The following IPPK variants were observed in gnomAD, a reference collection of about 807,000 sequenced individuals.
IPPK encodes inositol-pentakisphosphate 2-kinase, also known as IPK1 homolog.
IPPK carries 22 observed loss-of-function variants against 64.6 expected under a neutral mutation model. The ratio of observed to expected loss-of-function variants is 0.34; its 90% CI spans 0.24 to 0.49. IPPK has a LOEUF of 0.49. Ranked by LOEUF, IPPK falls within the 20% of genes least tolerant of loss-of-function variation. The pLI, the probability that IPPK is intolerant of heterozygous loss-of-function variation, is 0.99. For missense variants in IPPK, 532 were observed against 630.7 expected, an observed-to-expected ratio of 0.84 and a Z score of 1.68; for synonymous variants, 262 against 247.2, an observed-to-expected ratio of 1.06 and a Z score of -0.56.
At chr9:92,642,610 T>G in intron 7 of IPPK, 142 bp downstream of exon 7, 1 of 682,696 alleles carries the variant, frequency 1.5e-6, no homozygotes, top group Non-Finnish European at 2.6e-6. Flanking sequence ...ACAGCGCTGA[T>G]GGCAAAAGAG....
intron 7 of IPPK, among the ~76,000 whole-genome samples, chr9:92,641,157 C>T (rs1283907229): frequency 6.6e-5 from 10 of 152,336 alleles, no homozygotes; most frequent in African/African-American, 2.2e-4. Flanking sequence ...TTCCTCCTGC[C>T]GCAACTTCCA....
In IPPK at chr9:92,669,844, G is replaced by C; in HGVS notation, c.81+64C>G. Reference sequence around the variant, plus strand: ...GACCCTGTTGAGGAAACGGATAATGGGGGCGGGGTGATACCGGCCGTCGGA... The same window carrying C: ...GACCCTGTTGAGGAAACGGATAATGCGGGCGGGGTGATACCGGCCGTCGGA... On this transcript the variant is annotated intron_variant, in intron 1 of 12. Transcript: ENST00000287996. 2.4e-6 allele frequency: 3 copies of C among 1,226,088 alleles called. No homozygotes were observed. The Admixed American group carries it at 5.2e-5, about 21-fold the overall frequency. 76.0% of individuals were successfully genotyped at this position (1,226,088 alleles called of 1,614,324 possible).
At chr9:92,619,014 T>C (rs1851536984) in intron 12 of IPPK, 1 of 236,488 alleles carries the variant, frequency 4.2e-6, no homozygotes, top group Non-Finnish European at 8.4e-6. Flanking sequence ...GGGCGGCACA[T>C]AGGCTGGTTA....
At chr9:92,659,795 T>TA (rs1380722311) in intron 1 of IPPK, among the ~76,000 whole-genome samples, 17 of 152,228 alleles carry the variant, frequency 1.1e-4, no homozygotes, top group African/African-American at 3.9e-4. Flanking sequence ...CAGCCCTACT[T>TA]AGACAATGTA....
At chr9:92,644,907 A>C (rs1034840478) in intron 6 of IPPK, among the ~76,000 whole-genome samples, 2 of 152,206 alleles carry the variant, frequency 1.3e-5, no homozygotes, top group African/African-American at 2.4e-5. Context: ...ATACAACAAA[A>C]AAAGCAATCA....
chr9:92,649,803 G>A (rs138907738), intron 4 of IPPK, among the ~76,000 whole-genome samples: 16 of 148,626 alleles, frequency 1.1e-4, no homozygotes, highest in African/African-American at 4.0e-4. Flanking sequence ...CAAGGCAGGT[G>A]GATCATGAGG....
intron 2 of IPPK, 60 bp from the exon 3 acceptor site, chr9:92,656,611 G>C: frequency 8.7e-7 from 1 of 1,153,058 alleles, no homozygotes; most frequent in East Asian, 2.4e-5. Context: ...AGCCTTGCTT[G>C]AGGGGAGAGG....
In IPPK at chr9:92,668,544, T is replaced by A. The variant is rs548459873; in HGVS notation, c.81+1364A>T. ...CCTCACTAAAGAAAAGTCTTAGGTT[T>A]ACCTAAAATGCAGAGATACATCTAA... is the stretch of plus-strand genomic sequence containing the variant. On this transcript the variant is annotated intron_variant, in intron 1 of 12. Coordinates refer to ENST00000287996, the MANE Select transcript of IPPK (RefSeq NM_022755.6). Among the ~76,000 whole-genome samples, 12 of 152,330 alleles carry A rather than the reference T, an allele frequency of 7.9e-5. No individual in the cohort carries two copies. The South Asian group carries it at 2.5e-3, about 32-fold the overall frequency.
intron 1 of IPPK, among the ~76,000 whole-genome samples, chr9:92,661,706 C>A (rs1444906995): frequency 6.6e-6 from 1 of 152,242 alleles, no homozygotes; most frequent in African/African-American, 2.4e-5. Context: ...ACCCATTTAT[C>A]ATCCAAAAAC....
intron 11 of IPPK, among the ~76,000 whole-genome samples, chr9:92,630,590 G>C (rs1851820948): frequency 6.6e-6 from 1 of 152,012 alleles, no homozygotes; most frequent in Non-Finnish European, 1.5e-5. Flanking sequence ...AAATAGCTAA[G>C]CTACAAGAAT....
chr9:92,652,668 G>A, intron 3 of IPPK, 29 bp from the exon 4 acceptor site: 2 of 1,339,276 alleles, frequency 1.5e-6, no homozygotes, highest in Non-Finnish European at 2.1e-6. Context: ...AATTCTCAGT[G>A]TGAATTGCAC....
At chr9:92,644,037 GGGCAT>G (rs1321250756) in intron 6 of IPPK, among the ~76,000 whole-genome samples, 1 of 152,074 alleles carries the variant, frequency 6.6e-6, no homozygotes, top group Non-Finnish European at 1.5e-5. Context: ...GCATCCCAAG[GGGCAT>G]GGCTCACATA....
intron 6 of IPPK, among the ~76,000 whole-genome samples, chr9:92,647,439 C>T (rs940413930): frequency 5.9e-5 from 9 of 152,032 alleles, no homozygotes; most frequent in Non-Finnish European, 8.8e-5. Flanking sequence ...TACACTAGTA[C>T]CAAAGCCAGA....
chr9:92,618,507 T>C (rs571671405), intron 12 of IPPK: 11 of 456,684 alleles, frequency 2.4e-5, no homozygotes, highest in African/African-American at 8.0e-5. Context: ...CACATTTCCA[T>C]TGCCCAGCTG....
At chr9:92,643,412 A>G (rs1852089400) in intron 6 of IPPK, among the ~76,000 whole-genome samples, 1 of 152,234 alleles carries the variant, frequency 6.6e-6, no homozygotes, top group South Asian at 2.1e-4. Context: ...AAATGACTAA[A>G]TAAATCACAG....
chr9:92,666,698 T>G (rs889175148), intron 1 of IPPK, among the ~76,000 whole-genome samples: 1 of 152,294 alleles, frequency 6.6e-6, no homozygotes, highest in Admixed American at 6.5e-5. Context: ...GAATGCAAAC[T>G]GACAGGCAAA....
At chr9:92,667,156 T>A (rs1401151157) in intron 1 of IPPK, among the ~76,000 whole-genome samples, 1 of 152,120 alleles carries the variant, frequency 6.6e-6, no homozygotes, top group Non-Finnish European at 1.5e-5. Context: ...AAAGCAACCC[T>A]CTCCTTACCT....
rs1852031179 is a variant in IPPK at position 92,640,776 on chromosome 9, T to C, written c.570A>G (p.Lys190=). The C allele has an allele frequency of 8.1e-6, 13 of 1,610,612 alleles. No homozygotes were observed. The highest frequency in any genetic ancestry group is 1.1e-5 in the Non-Finnish European group (13 of 1,176,854). The change falls in exon 8 of 13, where the codon AAA becomes AAG. Residue 190 remains lysine, a synonymous_variant. Coordinates refer to ENST00000287996, the MANE Select transcript of IPPK (RefSeq NM_022755.6). ...YCPLDLYSGN[K]QRMHFALKSL... is the part of the protein sequence containing the mutation. ...TCTTCAAGGCAAAGTGCATTCTCTG[T>C]TTGTTTCTAAAAGGGAAAAGCATTA...
intron 6 of IPPK, among the ~76,000 whole-genome samples, chr9:92,644,299 G>C (rs1394451276): frequency 2.0e-5 from 3 of 152,198 alleles, no homozygotes; most frequent in African/African-American, 7.2e-5. Flanking sequence ...CAGTGAGCTT[G>C]TTGGCACTTT....
Sources: gnomAD v4.1 joint callset for allele counts (sites outside exome capture counted in the v4.1 genomes callset) on GRCh38, gnomAD v4.1.1 for gene constraint, MANE v1.5 for transcripts, NCBI Gene and HGNC (gene_info 2026-07-23, HGNC 2026-07-21) for gene names.